YEATS2: variants seen among roughly 807,000 people sequenced by gnomAD.
The protein encoded by YEATS2 is YEATS domain-containing protein 2.
In YEATS2, 77 loss-of-function variants were observed where a neutral mutation model predicts 163.2. That is an observed-to-expected ratio of 0.47 (90% CI 0.39 to 0.57). YEATS2 has a LOEUF of 0.57. Among genes scored for constraint, YEATS2 ranks in the 20% least tolerant of loss-of-function variants. The pLI, the probability that YEATS2 is intolerant of heterozygous loss-of-function variation, is 0.00. For missense variants in YEATS2, 1,549 were observed against 1,729.8 expected, an observed-to-expected ratio of 0.90 and a Z score of 1.85; for synonymous variants, 631 against 645.1, an observed-to-expected ratio of 0.98 and a Z score of 0.33.
intron 7 of YEATS2, among the ~76,000 whole-genome samples, chr3:183,732,705 G>A (rs776661719): frequency 1.5e-3 from 227 of 151,544 alleles, no homozygotes; most frequent in Middle Eastern, 0.01. Flanking sequence ...GACTACAGGC[G>A]CCCGCCACCA....
chr3:183,736,325 A>C (rs1446753325), intron 7 of YEATS2, among the ~76,000 whole-genome samples: 2 of 152,204 alleles, frequency 1.3e-5, no homozygotes, highest in Non-Finnish European at 2.9e-5. Context: ...TTTCTGCCTC[A>C]GTGGAGGAAT....
rs1267420865 is a variant in YEATS2 at position 183,811,084 on chromosome 3, G to A, written c.*501G>A. 1.8e-5 allele frequency: 3 copies of A among 162,640 alleles called. No individual in the cohort carries two copies. The highest frequency in any genetic ancestry group is 2.7e-5 in the Non-Finnish European group (2 of 74,528). 10.1% of individuals were successfully genotyped at this position (162,640 alleles called of 1,614,324 possible). On this transcript the variant is annotated 3_prime_UTR_variant, in exon 31 of 31. Coordinates refer to ENST00000305135, the MANE Select transcript of YEATS2 (RefSeq NM_018023.5). Reference sequence around the variant, plus strand: ...TGCCTGGCCTTGGTGTGGAGGGGCTGTACTCTGAGCCCAAGTGAGTCAGCT... The same window carrying A: ...TGCCTGGCCTTGGTGTGGAGGGGCTATACTCTGAGCCCAAGTGAGTCAGCT...
At chr3:183,759,866 C>A (rs1425238269) in intron 13 of YEATS2, among the ~76,000 whole-genome samples, 2 of 152,190 alleles carry the variant, frequency 1.3e-5, no homozygotes, top group East Asian at 3.8e-4. Flanking sequence ...CATCCTAAGT[C>A]GGGGAGCATC....
chr3:183,759,488 C>G (rs1383706000), intron 13 of YEATS2, among the ~76,000 whole-genome samples: 1 of 152,200 alleles, frequency 6.6e-6, no homozygotes, highest in Non-Finnish European at 1.5e-5. Context: ...GGACACCTCT[C>G]TCTCTCGCAA....
intron 30 of YEATS2, chr3:183,809,494 G>T: frequency 4.9e-6 from 1 of 204,364 alleles, no homozygotes; most frequent in Non-Finnish European, 9.8e-6. Context: ...TCAGACACGA[G>T]GGCCAAGCGT....
chr3:183,719,719 C>T (rs1204502670), intron 4 of YEATS2, among the ~76,000 whole-genome samples: 1 of 151,914 alleles, frequency 6.6e-6, no homozygotes, highest in Non-Finnish European at 1.5e-5. Flanking sequence ...GGCTGGAATG[C>T]AGTGGCTATT....
chr3:183,780,542 A>G (rs942341735), intron 19 of YEATS2, among the ~76,000 whole-genome samples: 20 of 152,142 alleles, frequency 1.3e-4, no homozygotes, highest in African/African-American at 4.8e-4. Flanking sequence ...GAATGCATTT[A>G]TTTATTTATG....
At chr3:183,753,334 C>G (rs376069101) in intron 10 of YEATS2, among the ~76,000 whole-genome samples, 4 of 152,078 alleles carry the variant, frequency 2.6e-5, no homozygotes, top group East Asian at 3.9e-4. Flanking sequence ...TAAAATTGAT[C>G]TTAAATGTTT....
At chr3:183,740,352 A>G (rs1452958294) in intron 8 of YEATS2, among the ~76,000 whole-genome samples, 2 of 152,240 alleles carry the variant, frequency 1.3e-5, no homozygotes, top group African/African-American at 2.4e-5. Context: ...CACATGAAAA[A>G]ATGTTCATCA....
chr3:183,771,361 C>T (rs1174308898), intron 15 of YEATS2, among the ~76,000 whole-genome samples: 1 of 152,116 alleles, frequency 6.6e-6, no homozygotes, highest in East Asian at 1.9e-4. Context: ...GTGGGAAACA[C>T]TGCTCCAGTT....
At chr3:183,789,525 A>AATTTTTTTT (rs1724386406) in intron 20 of YEATS2, among the ~76,000 whole-genome samples, 2 of 66,314 alleles carry the variant, frequency 3.0e-5, no homozygotes, top group Admixed American at 2.5e-4. Context: ...ATTCGAGTTA[A>AATTTTTTTT]TTTTTTTTTT....
intron 8 of YEATS2, 52 bp downstream of exon 8, chr3:183,736,881 A>G (rs374321536): frequency 6.6e-6 from 10 of 1,505,920 alleles, no homozygotes; most frequent in African/African-American, 2.8e-5. Context: ...TTTACCAGCT[A>G]CAATTGATCC....
intron 4 of YEATS2, among the ~76,000 whole-genome samples, chr3:183,719,655 T>G (rs57674406): frequency 0.028 from 4,207 of 152,070 alleles, 194 homozygotes; most frequent in African/African-American, 0.096. Flanking sequence ...GAGCCCTGAG[T>G]TCTACTTTTT....
intron 9 of YEATS2, among the ~76,000 whole-genome samples, chr3:183,750,312 T>C (rs1720030740): frequency 6.6e-6 from 1 of 152,240 alleles, no homozygotes; most frequent in African/African-American, 2.4e-5. Context: ...TACCACATTT[T>C]GTTTATCCGT....
At position 183,790,779 on chromosome 3, in the gene YEATS2, G is replaced by A. The variant is rs1429781236; in HGVS notation, c.2914-18G>A. 4.4e-6 allele frequency: 7 copies of A among 1,607,846 alleles called. No homozygotes were observed. The highest frequency in any genetic ancestry group is 6.0e-6 in the Non-Finnish European group (7 of 1,175,178). ...TTTCTTCCTGAACTGTGTTGTTTCG[G>A]ACCCCATGGGTGAGCAGTCTGAAGG... is the stretch of plus-strand genomic sequence containing the variant. On this transcript the variant is annotated intron_variant, in intron 20 of 30. Transcript: ENST00000305135.
chr3:183,801,602 C>G, intron 25 of YEATS2, 74 bp downstream of exon 25: 1 of 1,167,776 alleles, frequency 8.6e-7, no homozygotes, highest in South Asian at 1.5e-5. Context: ...CAACTGAAAT[C>G]ACTTGGGATT....
chr3:183,778,111 CAAAA>C (rs569250141), intron 19 of YEATS2, among the ~76,000 whole-genome samples: 9 of 56,406 alleles, frequency 1.6e-4, no homozygotes, highest in Non-Finnish European at 2.5e-4. Flanking sequence ...GATTCTGTCT[CAAAA>C]AAAAAAAAAA....
chr3:183,726,039 TA>T (rs1348120870), intron 6 of YEATS2, among the ~76,000 whole-genome samples: 1 of 151,854 alleles, frequency 6.6e-6, no homozygotes, highest in Non-Finnish European at 1.5e-5. Context: ...TTGGGCGTAA[TA>T]CTCTTATTAT....
At chr3:183,732,482 A>C (rs1428766796) in intron 7 of YEATS2, among the ~76,000 whole-genome samples, 1 of 151,726 alleles carries the variant, frequency 6.6e-6, no homozygotes, top group African/African-American at 2.4e-5. Flanking sequence ...TAAATAAATA[A>C]ATATCCCCAG....
Sources: gnomAD v4.1 joint callset for allele counts (sites outside exome capture counted in the v4.1 genomes callset) on GRCh38, gnomAD v4.1.1 for gene constraint, MANE v1.5 for transcripts, NCBI Gene and HGNC (gene_info 2026-07-23, HGNC 2026-07-21) for gene names.